PRCP: variants seen among roughly 807,000 people sequenced by gnomAD.
PRCP encodes the protein prolylcarboxypeptidase, also known as lysosomal Pro-X carboxypeptidase.
A neutral mutation model predicts 54.2 loss-of-function variants in PRCP; 46 were observed. That is an observed-to-expected ratio of 0.85 (90% CI 0.67 to 1.09). PRCP has a LOEUF of 1.09. Ranked by LOEUF, PRCP falls within the 50% of genes least tolerant of loss-of-function variation. The pLI is 0.00. For synonymous variants in PRCP, 240 were observed against 212.2 expected (o/e 1.13, Z -1.14); for missense variants, 613 against 596.8 (o/e 1.03, Z -0.28).
At chr11:82,844,747 A>AAAAAAAAAAAAAAAAAAAGAAAG (rs756222029) in intron 6 of PRCP, among the ~76,000 whole-genome samples, 1 of 136,056 alleles carries the variant, frequency 7.3e-6, no homozygotes, top group Non-Finnish European at 1.5e-5. Flanking sequence ...AAAAAAAAAA[A>AAAAAAAAAAAAAAAAAAAGAAAG]AAAGAAAGAA....
At chr11:82,879,466 G>A (rs1221616150) in intron 1 of PRCP, among the ~76,000 whole-genome samples, 1 of 152,166 alleles carries the variant, frequency 6.6e-6, no homozygotes, top group Non-Finnish European at 1.5e-5. Flanking sequence ...CTTTGCGATG[G>A]GTTCAAACAT....
At position 82,850,317 on chromosome 11, in the gene PRCP, C is replaced by A; in HGVS notation, c.593+7G>T. ...GAAACGTTCATGTCCAGTACAAATG[C>A]ACTTACCCAACTACCATATGAGGAT... On this transcript the variant is annotated splice_region_variant and intron_variant, in intron 4 of 8. Transcript: ENST00000313010. 1.3e-6 allele frequency: 2 copies of A among 1,510,376 alleles called. No homozygotes were observed. The highest frequency in any genetic ancestry group is 2.2e-5 in the Admixed American group (1 of 46,452). 93.6% of individuals were successfully genotyped at this position (1,510,376 alleles called of 1,614,324 possible).
chr11:82,901,034 G>A (rs1187922852), upstream of PRCP: 1 of 381,902 alleles, frequency 2.6e-6, no homozygotes, highest in African/African-American at 2.1e-5. Flanking sequence ...TCAGAGAGGT[G>A]CGGGAACTTG....
At chr11:82,844,420 C>T (rs1209511177) in intron 6 of PRCP, among the ~76,000 whole-genome samples, 2 of 151,764 alleles carry the variant, frequency 1.3e-5, no homozygotes, top group African/African-American at 4.8e-5. Flanking sequence ...GAGACCTTCT[C>T]TCTTAAAAAA....
intron 1 of PRCP, among the ~76,000 whole-genome samples, chr11:82,873,066 G>GGT (rs531787463): frequency 2.5e-5 from 3 of 119,038 alleles, no homozygotes; most frequent in South Asian, 2.7e-4. Flanking sequence ...ATTCTGATCT[G>GGT]TTTTTTTTTT....
At chr11:82,844,732 CAAAAA>C (rs11284339) in intron 6 of PRCP, among the ~76,000 whole-genome samples, 3 of 91,198 alleles carry the variant, frequency 3.3e-5, no homozygotes, top group African/African-American at 4.0e-5. Context: ...GGCTCCGTCT[CAAAAA>C]AAAAAAAAAA....
chr11:82,831,881 C>T (rs1346837504), intron 8 of PRCP, among the ~76,000 whole-genome samples: 6 of 152,096 alleles, frequency 3.9e-5, no homozygotes, highest in South Asian at 2.1e-4. Flanking sequence ...CCCTCACCCC[C>T]CGACAGGCCC....
At chr11:82,890,161 C>G (rs1217999672) in intron 1 of PRCP, among the ~76,000 whole-genome samples, 1 of 152,214 alleles carries the variant, frequency 6.6e-6, no homozygotes, top group Non-Finnish European at 1.5e-5. Context: ...ACTTACATAA[C>G]AGTTACATCA....
intron 2 of PRCP, among the ~76,000 whole-genome samples, chr11:82,859,627 A>T (rs1027213375): frequency 2.6e-5 from 4 of 152,140 alleles, no homozygotes; most frequent in Admixed American, 1.3e-4. Context: ...AAACAAAAAC[A>T]AAAAACTTGC....
chr11:82,869,415 A>T (rs569350145), intron 1 of PRCP, among the ~76,000 whole-genome samples: 4 of 151,506 alleles, frequency 2.6e-5, no homozygotes, highest in African/African-American at 9.7e-5. Context: ...GGAAGGAAGG[A>T]AAGAAAGAAA....
intron 6 of PRCP, chr11:82,839,861 G>T: frequency 5.5e-6 from 1 of 181,912 alleles, no homozygotes; most frequent in Non-Finnish European, 1.1e-5. Context: ...TCCTCTTCAA[G>T]GCCATCCTTG....
intron 6 of PRCP, among the ~76,000 whole-genome samples, chr11:82,843,713 G>A (rs140892875): frequency 7.3e-4 from 111 of 152,236 alleles, no homozygotes; most frequent in African/African-American, 1.7e-3. Context: ...CTGTAAATGC[G>A]CTGAAATGTG....
intron 1 of PRCP, among the ~76,000 whole-genome samples, chr11:82,867,793 G>C (rs11233355): frequency 0.11 from 16,032 of 151,970 alleles, 1,360 homozygotes; most frequent in African/African-American, 0.24. Flanking sequence ...CCAGATCATA[G>C]CTCACTGCAG....
intron 8 of PRCP, chr11:82,831,130 A>G (rs1010966853): frequency 2.6e-5 from 4 of 151,238 alleles, no homozygotes. Context: ...AGGGAGCTTC[A>G]CTTAGTCACT....
At chr11:82,898,672 A>G (rs1298313112) in intron 1 of PRCP, among the ~76,000 whole-genome samples, 1 of 152,238 alleles carries the variant, frequency 6.6e-6, no homozygotes, top group African/African-American at 2.4e-5. Flanking sequence ...TTTCCTCAGT[A>G]AAGTGTAAAA....
chr11:82,871,279 A>G (rs7112374), intron 1 of PRCP, among the ~76,000 whole-genome samples: 4,003 of 148,926 alleles, frequency 0.027, 171 homozygotes, highest in African/African-American at 0.092. Context: ...TCCTGGGTTC[A>G]AGCAATTCTC....
At chr11:82,874,333 G>C (rs1271694826) in intron 1 of PRCP, among the ~76,000 whole-genome samples, 1 of 152,158 alleles carries the variant, frequency 6.6e-6, no homozygotes, top group Non-Finnish European at 1.5e-5. Context: ...TTATAGTCTG[G>C]TGACAGACAA....
At position 82,838,525 on chromosome 11, in the gene PRCP, A is replaced by G; in HGVS notation, c.1136T>C (p.Met379Thr). The change falls in exon 8 of 9, where the codon ATG becomes ACG. Residue 379 changes from methionine to threonine, a missense_variant. By Grantham distance (81) the Met-to-Thr change is moderately conservative. Transcript: ENST00000313010. ...TAAGTTCCATGAGTGAGGTTCAAACATGTCATCGACACCATTAGTACAAAA... is the reference window on the plus strand; with the variant it reads ...TAAGTTCCATGAGTGAGGTTCAAACGTGTCATCGACACCATTAGTACAAAA... ...MPFCTNGVDD[M>T]FEPHSWNLKE... The G allele has an allele frequency of 6.2e-7, 1 of 1,614,138 alleles. No individual in the cohort carries two copies. The highest frequency in any genetic ancestry group is 1.1e-5 in the South Asian group (1 of 91,078).
rs777053086 is a variant in PRCP, at chr11:82,859,984, T to C, written c.302A>G (p.Asn101Ser). ...GNEGDIIWFC[N>S]NTGFMWDVAE... ...TCATGAATCTGCACATACCGTGTTA[T>C]TACAAAACCAGATAATGTCCCCTTC... Residue 101 changes from asparagine to serine, a missense_variant, in exon 2 of 9, where the codon AAT becomes AGT. Physicochemically the swap from Asn to Ser is conservative, Grantham distance 46 (BLOSUM62 1). Transcript: ENST00000313010. 2 of 1,580,414 alleles carry C rather than the reference T, an allele frequency of 1.3e-6. No individual in the cohort carries two copies. Among genetic ancestry groups the C allele is most frequent in the South Asian group, 1.2e-5 (1 of 84,380 alleles).
Sources: allele counts gnomAD v4.1 joint callset (sites outside exome capture counted in the v4.1 genomes callset), GRCh38; gene constraint gnomAD v4.1.1; transcripts MANE v1.5; gene names NCBI Gene and HGNC (gene_info 2026-07-23, HGNC 2026-07-21).